HOXD3: variants seen among roughly 807,000 people sequenced by gnomAD.
HOXD3 encodes the protein homeobox D3, also known as homeobox protein Hox-D3.
HOXD3 carries 13 observed loss-of-function variants against 32.8 expected under a neutral mutation model. The observed-to-expected ratio is 0.40, with a 90% CI of 0.26 to 0.63. The LOEUF (loss-of-function observed/expected upper bound fraction) is 0.63, where lower values mean the gene tolerates loss of function less well. Among genes scored for constraint, HOXD3 ranks in the 20% least tolerant of loss-of-function variants. HOXD3 has a pLI of 0.44. For missense variants in HOXD3, 504 were observed against 577.1 expected (o/e 0.87, Z 1.30); for synonymous variants, 241 against 246.8 (o/e 0.98, Z 0.22).
chr2:176,153,559 T>G (rs908428978), upstream of HOXD3, among the ~76,000 whole-genome samples: 7 of 152,230 alleles, frequency 4.6e-5, no homozygotes, highest in Non-Finnish European at 1.5e-5. Flanking sequence ...AAATATTTAT[T>G]TGTTGGGAAA....
In HOXD3 at chr2:176,169,411, G is replaced by C. The variant is rs1691101180; in HGVS notation, c.297G>C (p.Gln99His). The C allele has an allele frequency of 6.2e-7, 1 of 1,613,646 alleles. No homozygotes were observed. The highest frequency in any genetic ancestry group is 1.3e-5 in the African/African-American group (1 of 74,866). The change falls in exon 3 of 4, where the codon CAG becomes CAC. Residue 99 changes from glutamine (Q) to histidine (H), a missense_variant. Coordinates refer to ENST00000683222, the MANE Select transcript of HOXD3 (RefSeq NM_006898.5). ...TGCGGCCGGGCACTGGGAACAGCCAGGGTGGGGGTGGTGGCAGCCAGCCTC... is the reference window on the plus strand; with the variant it reads ...TGCGGCCGGGCACTGGGAACAGCCACGGTGGGGGTGGTGGCAGCCAGCCTC... ...SCMRPGTGNS[Q>H]GGGGGSQPPG...
At chr2:176,168,986 T>G in intron 2 of HOXD3, 45 bp from the exon 3 acceptor site, 1 of 1,414,482 alleles carries the variant, frequency 7.1e-7, no homozygotes, top group Non-Finnish European at 9.4e-7. Flanking sequence ...TGACTGGTCT[T>G]GCCAATGACA....
chr2:176,169,519 A>C lies in HOXD3; in HGVS notation c.405A>C (p.Gly135=). 1 of 1,614,012 alleles carries C rather than the reference A, an allele frequency of 6.2e-7. No individual in the cohort carries two copies. Among genetic ancestry groups the C allele is most frequent in the Non-Finnish European group, 8.5e-7 (1 of 1,179,978 alleles). ...TLPPSSPTNP[G]GGVPAKKPKG... is the part of the protein sequence containing the mutation. ...CCCCATCTTCACCCACCAATCCTGG[A>C]GGTGGAGTGCCTGCCAAGAAGCCCA... The change falls in exon 3 of 4, where the codon GGA becomes GGC. Residue 135 remains glycine, a synonymous_variant. Coordinates refer to ENST00000683222, the MANE Select transcript of HOXD3 (RefSeq NM_006898.5).
intron 1 of HOXD3, among the ~76,000 whole-genome samples, chr2:176,158,563 G>A (rs1196810532): frequency 1.3e-5 from 2 of 152,042 alleles, no homozygotes; most frequent in East Asian, 3.9e-4. Context: ...CGTGGTGGTT[G>A]TTTTGGGATT....
chr2:176,157,150 C>T (rs1000159751), upstream of HOXD3, among the ~76,000 whole-genome samples: 1 of 152,196 alleles, frequency 6.6e-6, no homozygotes, highest in Non-Finnish European at 1.5e-5. Flanking sequence ...GCCCCCCGCG[C>T]CGGGCTGGGC....
chr2:176,153,414 T>G (rs1690585282), upstream of HOXD3, among the ~76,000 whole-genome samples: 1 of 152,168 alleles, frequency 6.6e-6, no homozygotes, highest in Non-Finnish European at 1.5e-5. Flanking sequence ...GGTCAGGATT[T>G]CTGGACTTTC....
At chr2:176,157,896 T>A (rs1035529302) in intron 1 of HOXD3, among the ~76,000 whole-genome samples, 4 of 151,840 alleles carry the variant, frequency 2.6e-5, no homozygotes, top group African/African-American at 9.7e-5. Flanking sequence ...CCAGGAACAA[T>A]GGTCGCTGTC....
At chr2:176,167,944 G>A (rs1048225129) in intron 2 of HOXD3, among the ~76,000 whole-genome samples, 2 of 152,152 alleles carry the variant, frequency 1.3e-5, no homozygotes, top group African/African-American at 4.8e-5. Flanking sequence ...CCAACAAAAT[G>A]TCTGAGGCTA....
chr2:176,164,528 A>G (rs749091004), intron 2 of HOXD3: 3 of 152,172 alleles, frequency 2.0e-5, no homozygotes, highest in Non-Finnish European at 4.4e-5. Flanking sequence ...AGCAAACCCA[A>G]AAACCAGTGG....
chr2:176,172,479 T>C lies in HOXD3; in HGVS notation c.*205T>C. ...CGTCCTTTGGGTGACTCGCCATAAA[T>C]CAGCCGCAAGGATCCTTCCCTGTAA... On this transcript the variant is annotated 3_prime_UTR_variant, in exon 4 of 4. Coordinates refer to ENST00000683222, the MANE Select transcript of HOXD3 (RefSeq NM_006898.5). 1 of 578,158 alleles carries C rather than the reference T, an allele frequency of 1.7e-6. No homozygotes were observed. Among genetic ancestry groups the C allele is most frequent in the South Asian group, 2.3e-5 (1 of 44,370 alleles). 35.8% of individuals were successfully genotyped at this position (578,158 alleles called of 1,614,324 possible).
upstream of HOXD3, chr2:176,153,029 G>A: frequency 7.5e-7 from 1 of 1,336,282 alleles, no homozygotes; most frequent in Non-Finnish European, 1.1e-6. Flanking sequence ...CACCTCGCTG[G>A]GCTCTAAGGT....
At chr2:176,161,379 G>C (rs1321343989) in intron 1 of HOXD3, among the ~76,000 whole-genome samples, 1 of 152,182 alleles carries the variant, frequency 6.6e-6, no homozygotes, top group Admixed American at 6.5e-5. Context: ...TTAAGGAGGG[G>C]ATCTGGTGAG....
chr2:176,168,235 G>A (rs1430124250), intron 2 of HOXD3, among the ~76,000 whole-genome samples: 5 of 130,896 alleles, frequency 3.8e-5, no homozygotes, highest in Admixed American at 8.6e-5. Flanking sequence ...GACCAGCCTG[G>A]GCAACATTGT....
At chr2:176,158,865 G>A (rs1215965501) in intron 1 of HOXD3, among the ~76,000 whole-genome samples, 1 of 122,544 alleles carries the variant, frequency 8.2e-6, no homozygotes, top group East Asian at 2.5e-4. Flanking sequence ...TCCCCTTGTA[G>A]GCCCAGAGAG....
In HOXD3 at chr2:176,172,061, C is replaced by G; in HGVS notation, c.1086C>G (p.Phe362Leu). ...QGSPVYVGGN[F>L]VESMAPASGP... The stretch of plus-strand genomic sequence containing the variant: ...GCCCGGTGTACGTGGGCGGCAACTT[C>G]GTCGAGTCCATGGCGCCCGCGTCCG... The change falls in exon 4 of 4, where the codon TTC becomes TTG. Residue 362 changes from phenylalanine (F) to leucine (L), a missense_variant. Phe to Leu is a conservative substitution (Grantham distance 22, BLOSUM62 0). Coordinates refer to ENST00000683222, the MANE Select transcript of HOXD3 (RefSeq NM_006898.5). 1.9e-6 allele frequency: 3 copies of G among 1,609,768 alleles called. No individual in the cohort carries two copies. The highest frequency in any genetic ancestry group is 2.5e-6 in the Non-Finnish European group (3 of 1,179,190).
At chr2:176,164,676 C>A (rs1690906378) in intron 2 of HOXD3, 1 of 152,112 alleles carries the variant, frequency 6.6e-6, no homozygotes, top group South Asian at 2.1e-4. Flanking sequence ...TTAGGCAAAA[C>A]AGGGGGAGGC....
rs374139731 is a variant in HOXD3 at position 176,171,934 on chromosome 2, G to A, written c.959G>A (p.Ser320Asn). The A allele has an allele frequency of 5.6e-6, 9 of 1,610,150 alleles. No homozygotes were observed. The highest frequency in any genetic ancestry group is 7.6e-6 in the Non-Finnish European group (9 of 1,179,176). The change falls in exon 4 of 4, where the codon AGC becomes AAC. Residue 320 changes from serine to asparagine, a missense_variant. Ser to Asn is a conservative substitution (Grantham distance 46). Around this residue, in one of 3 missense-constraint regions of HOXD3, gnomAD observed 226 missense variants for 246.9 expected, o/e 0.92. Transcript: ENST00000683222. Reference sequence around the variant, plus strand: ...CTGGCCGCCTACACGGCGCCACTCAGCAGCTGCCTGCCACAACAGAAGCGC... The same window carrying A: ...CTGGCCGCCTACACGGCGCCACTCAACAGCTGCCTGCCACAACAGAAGCGC... ...YGLAAYTAPLSSCLPQQKRYA... is the reference protein window; with the variant it reads ...YGLAAYTAPLNSCLPQQKRYA...
At position 176,169,665 on chromosome 2, in the gene HOXD3, T is replaced by G. The variant is rs766726340; in HGVS notation, c.541+10T>G. On this transcript the variant is annotated intron_variant, in intron 3 of 3. Coordinates refer to ENST00000683222, the MANE Select transcript of HOXD3 (RefSeq NM_006898.5). Reference sequence around the variant, plus strand: ...AGCTGTGCCACTGCAGGTAGCTCCCTGAGGTGGCCTACTGCCAGACCAAGC... The same window carrying G: ...AGCTGTGCCACTGCAGGTAGCTCCCGGAGGTGGCCTACTGCCAGACCAAGC... The G allele has an allele frequency of 6.4e-7, 1 of 1,573,506 alleles. No homozygotes were observed. The highest frequency in any genetic ancestry group is 8.6e-7 in the Non-Finnish European group (1 of 1,157,054).
intron 2 of HOXD3, among the ~76,000 whole-genome samples, chr2:176,167,674 TG>T (rs906184690): frequency 2.2e-5 from 3 of 139,012 alleles, no homozygotes; most frequent in South Asian, 2.3e-4. Flanking sequence ...TGAAACCAGG[TG>T]GGGGGAGACC....
Sources: gnomAD v4.1 joint callset for allele counts (sites outside exome capture counted in the v4.1 genomes callset) on GRCh38, gnomAD v4.1.1 for gene constraint, gnomAD v4.1.1 regional missense constraint, MANE v1.5 for transcripts, NCBI Gene and HGNC (gene_info 2026-07-23, HGNC 2026-07-21) for gene names.